The following PRDM16 variants were observed in gnomAD, a reference collection of about 807,000 sequenced individuals.
PRDM16 encodes PR/SET domain 16, also known as histone-lysine N-methyltransferase PRDM16.
A neutral mutation model predicts 110.6 loss-of-function variants in PRDM16; 23 were observed. The ratio of observed to expected loss-of-function variants is 0.21; its 90% CI spans 0.15 to 0.29. The LOEUF (loss-of-function observed/expected upper bound fraction) is 0.29. Among genes scored for constraint, PRDM16 ranks in the 10% least tolerant of loss-of-function variants. PRDM16 has a pLI of 1.00. For missense variants in PRDM16, 1,615 were observed against 1,794.3 expected (o/e 0.90, Z 1.81); for synonymous variants, 799 against 781.8 (o/e 1.02, Z -0.37).
intron 3 of PRDM16, among the ~76,000 whole-genome samples, chr1:3,305,098 G>A (rs1030394376): frequency 6.6e-6 from 1 of 152,152 alleles, no homozygotes; most frequent in African/African-American, 2.4e-5. Flanking sequence ...CCTGTGTAGT[G>A]CTCCAGGCCG....
intron 12 of PRDM16, among the ~76,000 whole-genome samples, chr1:3,423,572 T>C (rs1638502397): frequency 6.6e-6 from 1 of 152,144 alleles, no homozygotes; most frequent in East Asian, 1.9e-4. Context: ...TCCCCATCCA[T>C]GTGACAAGGG....
Position 3,158,634 on chromosome 1 carries a change from G to A in PRDM16, c.38-27491G>A, listed in dbSNP as rs74814257. On this transcript the variant is annotated intron_variant, in intron 1 of 16. Transcript: ENST00000270722. ...GGGAAAAGAGGAGACTGAGCTGATGGGTTTGTTGGAGATTTTTCTTTTTCT... is the reference window on the plus strand; with the variant it reads ...GGGAAAAGAGGAGACTGAGCTGATGAGTTTGTTGGAGATTTTTCTTTTTCT... Among the ~76,000 whole-genome samples, 512 of 151,568 alleles carry A rather than the reference G, an allele frequency of 3.4e-3. 4 individuals are homozygous for A. The highest frequency in any genetic ancestry group is 0.011 in the African/African-American group (475 of 41,348).
intron 2 of PRDM16, among the ~76,000 whole-genome samples, chr1:3,230,477 G>A (rs1218143036): frequency 6.6e-6 from 1 of 152,256 alleles, no homozygotes. Flanking sequence ...GAATATCCAG[G>A]GAAGTTGTGT....
In PRDM16 at chr1:3,404,061, G is replaced by A. The variant is rs77539666; in HGVS notation, c.885-678G>A. Among the ~76,000 whole-genome samples, 8 of 152,322 alleles carry A rather than the reference G, an allele frequency of 5.3e-5. No individual in the cohort carries two copies. The East Asian group carries it at 7.7e-4, about 15-fold the overall frequency. On this transcript the variant is annotated intron_variant, in intron 6 of 16. Coordinates refer to ENST00000270722, the MANE Select transcript of PRDM16 (RefSeq NM_022114.4). ...GAAAAGATACAGTCTCCTGATGCTCGGGAACCAGGCGTTTCTGATCTGAAT... is the reference window on the plus strand; with the variant it reads ...GAAAAGATACAGTCTCCTGATGCTCAGGAACCAGGCGTTTCTGATCTGAAT...
At chr1:3,250,276 G>A (rs1045183777) in intron 3 of PRDM16, among the ~76,000 whole-genome samples, 11 of 152,156 alleles carry the variant, frequency 7.2e-5, no homozygotes, top group Admixed American at 2.0e-4. Context: ...GGTGGCAGCC[G>A]GCCCTGGGTG....
At chr1:3,327,721 C>T (rs1308295243) in intron 3 of PRDM16, among the ~76,000 whole-genome samples, 3 of 152,168 alleles carry the variant, frequency 2.0e-5, no homozygotes, top group Non-Finnish European at 4.4e-5. Context: ...CCACTCAAAG[C>T]GCCACCACTG....
At chr1:3,188,759 C>T (rs926942799) in intron 2 of PRDM16, among the ~76,000 whole-genome samples, 3 of 152,090 alleles carry the variant, frequency 2.0e-5, no homozygotes, top group Admixed American at 1.3e-4. Context: ...CAGCCATGTG[C>T]GTCGGTGCCT....
At position 3,201,851 on chromosome 1, in the gene PRDM16, C is replaced by T. The variant is rs527506585; in HGVS notation, c.387+15377C>T. ...ACTTCTGTGTCCACTGCAGAGCCTGCGGCTTCCCAGATCCCACATGAGCTT... is the reference window on the plus strand; with the variant it reads ...ACTTCTGTGTCCACTGCAGAGCCTGTGGCTTCCCAGATCCCACATGAGCTT... On this transcript the variant is annotated intron_variant, in intron 2 of 16. Transcript: ENST00000270722. This position sits in a 1 kb window ranked among gnomAD's most constrained non-coding sequence, Gnocchi z 4.1. 3.7e-4 allele frequency among the ~76,000 whole-genome samples: 56 copies of T among 152,238 alleles called. No homozygotes were observed. Among genetic ancestry groups the T allele is most frequent in the Non-Finnish European group, 5.3e-4 (36 of 68,048 alleles).
At chr1:3,323,748 T>A (rs914279508) in intron 3 of PRDM16, among the ~76,000 whole-genome samples, 6 of 152,226 alleles carry the variant, frequency 3.9e-5, no homozygotes, top group Non-Finnish European at 8.8e-5. Flanking sequence ...AGGTCTCACA[T>A]CCCAGAACCT....
chr1:3,336,609 T>C (rs1320860116), intron 3 of PRDM16, among the ~76,000 whole-genome samples: 1 of 150,984 alleles, frequency 6.6e-6, no homozygotes, highest in Non-Finnish European at 1.5e-5. Context: ...TGTGTTGGTG[T>C]GAGTCTGTGA....
chr1:3,256,597 G>A (rs996269503), intron 3 of PRDM16, among the ~76,000 whole-genome samples: 23 of 152,186 alleles, frequency 1.5e-4, no homozygotes, highest in Admixed American at 1.2e-3. Context: ...GGTGGCTCAT[G>A]CCTGTAATCC....
intron 1 of PRDM16, among the ~76,000 whole-genome samples, chr1:3,159,677 G>A (rs891771379): frequency 2.0e-5 from 3 of 152,220 alleles, no homozygotes; most frequent in African/African-American, 7.2e-5. Context: ...GGGCCAGTGT[G>A]TAGGAGGAAG....
chr1:3,381,750 C>T (rs1243417548), intron 3 of PRDM16, among the ~76,000 whole-genome samples: 2 of 152,178 alleles, frequency 1.3e-5, no homozygotes, highest in Admixed American at 6.5e-5. Flanking sequence ...TGGCTGTGGT[C>T]ACTCACGCGT....
chr1:3,136,349 C>T (rs1410225789), intron 1 of PRDM16, among the ~76,000 whole-genome samples: 1 of 152,162 alleles, frequency 6.6e-6, no homozygotes, highest in Non-Finnish European at 1.5e-5. Context: ...CCTCTGGTGT[C>T]GTCCATTTTA....
At chr1:3,288,624 A>G (rs1425460288) in intron 3 of PRDM16, among the ~76,000 whole-genome samples, 1 of 152,094 alleles carries the variant, frequency 6.6e-6, no homozygotes, top group Non-Finnish European at 1.5e-5. Flanking sequence ...GACCGAGGCC[A>G]CCACCACCCA....
rs760865652 is a variant in PRDM16 at position 3,190,862 on chromosome 1, C to T, written c.387+4388C>T. ...GCTGTTTATTTTGCTAATTAAGAGG[C>T]GGCTGCCCGGTGACAGCCCAGAGGG... On this transcript the variant is annotated intron_variant, in intron 2 of 16. Transcript: ENST00000270722. This position sits in a 1 kb window ranked among gnomAD's most constrained non-coding sequence, Gnocchi z 5.0. Among the ~76,000 whole-genome samples, 26 of 152,352 alleles carry T rather than the reference C, an allele frequency of 1.7e-4. No homozygotes were observed. Among genetic ancestry groups the T allele is most frequent in the Admixed American group, 3.9e-4 (6 of 15,308 alleles).
intron 3 of PRDM16, among the ~76,000 whole-genome samples, chr1:3,249,138 T>A (rs1639865302): frequency 6.6e-6 from 1 of 151,638 alleles, no homozygotes; most frequent in African/African-American, 2.4e-5. Flanking sequence ...AGACTGCTGT[T>A]CGGTGTCCAG....
At position 3,261,370 on chromosome 1, in the gene PRDM16, C is replaced by T. The variant is rs190627664; in HGVS notation, c.438+17233C>T. 3.9e-3 allele frequency among the ~76,000 whole-genome samples: 589 copies of T among 152,178 alleles called. 4 individuals are homozygous for T. The highest frequency in any genetic ancestry group is 0.014 in the African/African-American group (563 of 41,510). ...CACTTGAGTTCCTTTGTCCTTGGGGCGAGATGACTTGGTTTCCATGCAGCC... is the reference window on the plus strand; with the variant it reads ...CACTTGAGTTCCTTTGTCCTTGGGGTGAGATGACTTGGTTTCCATGCAGCC... On this transcript the variant is annotated intron_variant, in intron 3 of 16. Transcript: ENST00000270722.
At chr1:3,161,947 C>T (rs1161682993) in intron 1 of PRDM16, among the ~76,000 whole-genome samples, 3 of 152,176 alleles carry the variant, frequency 2.0e-5, no homozygotes, top group South Asian at 2.1e-4. Context: ...CAGAGCTGCT[C>T]GTGTTCGGGC....
Sources: gnomAD v4.1 joint callset for allele counts (sites outside exome capture counted in the v4.1 genomes callset) on GRCh38, gnomAD v4.1.1 for gene constraint, Gnocchi (gnomAD v3.1) non-coding constraint, MANE v1.5 for transcripts, NCBI Gene and HGNC (gene_info 2026-07-23, HGNC 2026-07-21) for gene names.